SPTA1: variants seen among roughly 807,000 people sequenced by gnomAD.
SPTA1 encodes the protein spectrin alpha chain, erythrocytic 1.
A neutral mutation model predicts 324.7 loss-of-function variants in SPTA1; 177 were observed. The observed-to-expected ratio is 0.55, with a 90% CI of 0.48 to 0.62. The LOEUF (loss-of-function observed/expected upper bound fraction) is 0.62. Ranked by LOEUF, SPTA1 falls within the 20% of genes least tolerant of loss-of-function variation. The pLI is 0.00. For synonymous variants in SPTA1, 1,195 were observed against 1,041.3 expected (o/e 1.15, Z -2.84); for missense variants, 3,162 against 2,883.6 (o/e 1.10, Z -2.21).
chr1:158,643,366 A>C lies in SPTA1; in HGVS notation c.4398T>G (p.Tyr1466Ter), dbSNP rs761105413. 7.4e-6 allele frequency: 12 copies of C among 1,613,798 alleles called. No individual in the cohort carries two copies. Among genetic ancestry groups the C allele is most frequent in the Non-Finnish European group, 1.0e-5 (12 of 1,179,920 alleles). ...GCCGCGTAGCAATCTCTTCTTTGGC[A>C]TAGTGTTCATCAGCAATGAGGCTCT... ...FAESLIADEH[Y>*]AKEEIATRLQ... The change falls in exon 31 of 52, where the codon TAT becomes TAG. Residue 1466 changes from tyrosine (Y) to a stop codon, truncating the protein, a stop_gained. Coordinates refer to ENST00000643759, the MANE Select transcript of SPTA1 (RefSeq NM_003126.4). LOFTEE classifies it high-confidence loss of function.
chr1:158,669,258 G>A lies in SPTA1; in HGVS notation c.1833+150C>T, dbSNP rs1243983324. 5 of 1,079,188 alleles carry A rather than the reference G, an allele frequency of 4.6e-6. No individual in the cohort carries two copies. The African/African-American group carries it at 7.9e-5, about 17-fold the overall frequency. The allele number at this position is 1,079,188 out of a possible 1,614,324, so 66.9% of individuals were successfully genotyped here. A position where few individuals can be genotyped will look rare whatever the true frequency, so the allele number is the denominator to read the frequency against. Reference sequence around the variant, plus strand: ...TATTTAACTGTATAAATAGCCTTCAGGGATTCATTGCCCTTTTCTGAGCCT... The same window carrying A: ...TATTTAACTGTATAAATAGCCTTCAAGGATTCATTGCCCTTTTCTGAGCCT... On this transcript the variant is annotated intron_variant, in intron 14 of 51. Coordinates refer to ENST00000643759, the MANE Select transcript of SPTA1 (RefSeq NM_003126.4).
At chr1:158,634,411 C>A (rs1650906531) in intron 39 of SPTA1, 132 bp downstream of exon 39, 6 of 1,349,180 alleles carry the variant, frequency 4.4e-6, no homozygotes, top group Non-Finnish European at 6.3e-6. Flanking sequence ...TTAAAACTGT[C>A]AGGATTATTC....
intron 6 of SPTA1, among the ~76,000 whole-genome samples, 171 bp downstream of exon 6, chr1:158,678,230 T>C (rs924205123): frequency 3.9e-5 from 6 of 152,172 alleles, no homozygotes; most frequent in Non-Finnish European, 8.8e-5. Context: ...ATAGAGTAGG[T>C]CACAGATTTC....
At chr1:158,626,613 T>A (rs942669480) in intron 41 of SPTA1, among the ~76,000 whole-genome samples, 1 of 152,192 alleles carries the variant, frequency 6.6e-6, no homozygotes, top group Non-Finnish European at 1.5e-5. Flanking sequence ...CGGTACATAA[T>A]TACTGCATCA....
chr1:158,626,317 G>A (rs1650265086), intron 41 of SPTA1, 95 bp from the exon 42 acceptor site: 1 of 1,137,032 alleles, frequency 8.8e-7, no homozygotes, highest in Non-Finnish European at 1.3e-6. Flanking sequence ...CAACAAGAAA[G>A]CTTCTTGACT....
At chr1:158,667,651 G>C (rs1371053382) in intron 15 of SPTA1, among the ~76,000 whole-genome samples, 4 of 152,034 alleles carry the variant, frequency 2.6e-5, no homozygotes, top group Non-Finnish European at 5.9e-5. Context: ...TTACACCCTT[G>C]AAGGAAACAT....
intron 41 of SPTA1, 103 bp downstream of exon 41, chr1:158,626,736 C>T: frequency 6.8e-7 from 1 of 1,473,662 alleles, no homozygotes; most frequent in East Asian, 2.3e-5. Flanking sequence ...GTGATGGAAA[C>T]ACCTCCTTTC....
At chr1:158,658,977 G>T (rs529834547) in intron 18 of SPTA1, among the ~76,000 whole-genome samples, 5 of 152,074 alleles carry the variant, frequency 3.3e-5, no homozygotes, top group African/African-American at 1.2e-4. Context: ...TAGAAGACCT[G>T]CAATATAAGG....
Position 158,611,131 on chromosome 1 carries a change from G to GCGCA in SPTA1, c.*132_*133insTGCG, listed in dbSNP as rs879208333. ...AAATGTAATATGCACACAAACACAA[G>GCGCA]CACACACACACACACACACACACAC... On this transcript the variant is annotated 3_prime_UTR_variant, in exon 52 of 52. Transcript: ENST00000643759. 1.6e-5 allele frequency: 11 copies of GCGCA among 671,324 alleles called. No individual in the cohort carries two copies. Among genetic ancestry groups the GCGCA allele is most frequent in the African/African-American group, 7.5e-5 (4 of 53,400 alleles). 41.6% of individuals were successfully genotyped at this position (671,324 alleles called of 1,614,324 possible). A position where few individuals can be genotyped will look rare whatever the true frequency, so the allele number is the denominator to read the frequency against.
At position 158,651,479 on chromosome 1, in the gene SPTA1, A is replaced by T. The variant is rs1270380882; in HGVS notation, c.3376-11T>A. On this transcript the variant is annotated splice_polypyrimidine_tract_variant and intron_variant, in intron 23 of 51. Transcript: ENST00000643759. Reference sequence around the variant, plus strand: ...ATTGGTATTCAAATCCTGAATGGGAAAATTCATCCAAAGCAGTGTAAATTC... The same window carrying T: ...ATTGGTATTCAAATCCTGAATGGGATAATTCATCCAAAGCAGTGTAAATTC... 6.4e-7 allele frequency: 1 copy of T among 1,559,052 alleles called. No individual in the cohort carries two copies. The highest frequency in any genetic ancestry group is 8.8e-7 in the Non-Finnish European group (1 of 1,130,592).
At chr1:158,664,192 G>T (rs1349330582) in intron 16 of SPTA1, among the ~76,000 whole-genome samples, 1 of 152,062 alleles carries the variant, frequency 6.6e-6, no homozygotes, top group Non-Finnish European at 1.5e-5. Context: ...ATACCCAAAG[G>T]ATTATAAATC....
At chr1:158,675,712 G>T (rs968235631) in intron 8 of SPTA1, among the ~76,000 whole-genome samples, 4 of 152,060 alleles carry the variant, frequency 2.6e-5, no homozygotes, top group Non-Finnish European at 5.9e-5. Flanking sequence ...GTGATACTAA[G>T]ACAGTCAATC....
Position 158,669,464 on chromosome 1 carries a change from C to T in SPTA1, c.1777G>A (p.Asp593Asn). Residue 593 changes from aspartate (D) to asparagine (N), a missense_variant, in exon 14 of 52, where the codon GAC becomes AAC. Physicochemically the swap from Asp to Asn is conservative, Grantham distance 23. Coordinates refer to ENST00000643759, the MANE Select transcript of SPTA1 (RefSeq NM_003126.4). Reference protein sequence around the residue: ...LLQKLYEDSDDLKNWINKKKK... With the variant: ...LLQKLYEDSDNLKNWINKKKK... ...TTCTTGTTGATCCAGTTCTTTAGGT[C>T]ATCTGAGTCCTCATACAGTTTTTGC... The T allele has an allele frequency of 6.2e-7, 1 of 1,614,180 alleles. No homozygotes were observed. The highest frequency in any genetic ancestry group is 8.5e-7 in the Non-Finnish European group (1 of 1,180,018).
chr1:158,666,549 TAC>T (rs770334622), intron 15 of SPTA1, 52 bp from the exon 16 acceptor site: 4 of 1,468,174 alleles, frequency 2.7e-6, no homozygotes, highest in Non-Finnish European at 2.8e-6. Context: ...TATTCCTCTT[TAC>T]ACTATAATAT....
rs756036039 is a variant in SPTA1 at position 158,642,809 on chromosome 1, CT to C, written c.4605+4del. 3 of 1,613,864 alleles carry C rather than the reference CT, an allele frequency of 1.9e-6. No homozygotes were observed. Among genetic ancestry groups the C allele is most frequent in the Non-Finnish European group, 1.7e-6 (2 of 1,179,838 alleles). On this transcript the variant is annotated splice_donor_region_variant and intron_variant, in intron 32 of 51. Transcript: ENST00000643759. ...AATTTTCCAAGATTCCTATTTTGAA[CT>C]TGCCTGAATGTTAGTGGCGTCTTTG...
chr1:158,671,286 T>G (rs1455554074), intron 12 of SPTA1, 57 bp downstream of exon 12: 16 of 1,253,346 alleles, frequency 1.3e-5, no homozygotes, highest in Non-Finnish European at 3.5e-6. Flanking sequence ...ACAGGTATTG[T>G]GTAAAATTAT....
At position 158,647,634 on chromosome 1, in the gene SPTA1, C is replaced by T; in HGVS notation, c.3801G>A (p.Leu1267=). 6.2e-7 allele frequency: 1 copy of T among 1,613,994 alleles called. No homozygotes were observed. Among genetic ancestry groups the T allele is most frequent in the Non-Finnish European group, 8.5e-7 (1 of 1,179,946 alleles). The change falls in exon 27 of 52, where the codon CTG becomes CTA. Residue 1267 remains leucine (L), a synonymous_variant. Coordinates refer to ENST00000643759, the MANE Select transcript of SPTA1 (RefSeq NM_003126.4). ...TEDLQRQKME[L]NEAWEDLQGR... ...CCTGCAGGTCTTCCCAGGCCTCATTCAGCTCCATTTTCTGTCTCTGCAGGT... is the reference window on the plus strand; with the variant it reads ...CCTGCAGGTCTTCCCAGGCCTCATTTAGCTCCATTTTCTGTCTCTGCAGGT...
At chr1:158,660,212 C>A (rs547219467) in intron 18 of SPTA1, among the ~76,000 whole-genome samples, 1 of 152,108 alleles carries the variant, frequency 6.6e-6, no homozygotes, top group African/African-American at 2.4e-5. Flanking sequence ...GTCTAAATAT[C>A]ACAATTAAAA....
At chr1:158,641,383 T>C (rs1651558411) in intron 33 of SPTA1, among the ~76,000 whole-genome samples, 1 of 152,054 alleles carries the variant, frequency 6.6e-6, no homozygotes, top group African/African-American at 2.4e-5. Context: ...ACCTACAGAA[T>C]GGGAGAAAAT....
Sources: allele counts gnomAD v4.1 joint callset (sites outside exome capture counted in the v4.1 genomes callset), GRCh38; gene constraint gnomAD v4.1.1; transcripts MANE v1.5; gene names NCBI Gene and HGNC (gene_info 2026-07-23, HGNC 2026-07-21).